The following DOCK3 variants were observed in gnomAD, a reference collection of about 807,000 sequenced individuals.
The protein encoded by DOCK3 is dedicator of cytokinesis protein 3.
A neutral mutation model predicts 265.6 loss-of-function variants in DOCK3; 60 were observed. The ratio of observed to expected loss-of-function variants is 0.23; its 90% CI spans 0.18 to 0.28. The LOEUF (loss-of-function observed/expected upper bound fraction) is 0.28, where lower values mean the gene tolerates loss of function less well. Among genes scored for constraint, DOCK3 ranks in the 10% least tolerant of loss-of-function variants. The pLI is 1.00. For synonymous variants in DOCK3, 881 were observed against 938.0 expected, an observed-to-expected ratio of 0.94 and a Z score of 1.11; for missense variants, 1,981 against 2,594.3, an observed-to-expected ratio of 0.76 and a Z score of 5.14.
chr3:50,841,506 T>A (rs2045824666), intron 2 of DOCK3, among the ~76,000 whole-genome samples, 169 bp from the exon 3 acceptor site: 2 of 152,020 alleles, frequency 1.3e-5, no homozygotes, highest in Non-Finnish European at 2.9e-5. Context: ...ATTCACCATA[T>A]GACTGTTCCT....
intron 2 of DOCK3, among the ~76,000 whole-genome samples, chr3:50,801,382 GTAATTGGAATGAGTCAGGGTGGAGCAGA>G (rs2043058689): frequency 6.6e-6 from 1 of 152,158 alleles, no homozygotes; most frequent in African/African-American, 2.4e-5. Flanking sequence ...GGTGCAGCAG[GTAATTGGAATGAGTCAGGGTGGAGCAGA>G]TAATTGGAAT....
intron 9 of DOCK3, among the ~76,000 whole-genome samples, chr3:51,139,922 A>AGT (rs1480798170): frequency 3.3e-5 from 5 of 152,248 alleles, no homozygotes; most frequent in East Asian, 1.9e-4. Flanking sequence ...CTAGGACACC[A>AGT]GTGTGTGTGT....
chr3:50,769,653 A>C (rs2041149544), intron 1 of DOCK3, among the ~76,000 whole-genome samples: 2 of 151,946 alleles, frequency 1.3e-5, no homozygotes, highest in Admixed American at 6.6e-5. Context: ...TCTACTAAAA[A>C]TACAAAAATT....
intron 6 of DOCK3, among the ~76,000 whole-genome samples, chr3:51,068,877 C>T (rs1365990224): frequency 6.6e-6 from 1 of 152,138 alleles, no homozygotes; most frequent in Non-Finnish European, 1.5e-5. Flanking sequence ...TCAGTTAGAA[C>T]TTCCAAGGAT....
At chr3:51,183,492 C>T (rs1396771418) in intron 12 of DOCK3, among the ~76,000 whole-genome samples, 1 of 152,122 alleles carries the variant, frequency 6.6e-6, no homozygotes, top group African/African-American at 2.4e-5. Context: ...GGAGCTGAGA[C>T]TCAGATCCCT....
At chr3:51,337,658 G>A (rs2084960487) in intron 35 of DOCK3, among the ~76,000 whole-genome samples, 1 of 152,178 alleles carries the variant, frequency 6.6e-6, no homozygotes, top group African/African-American at 2.4e-5. Flanking sequence ...CCAGGCTTCT[G>A]CTCCTTTCCA....
intron 5 of DOCK3, among the ~76,000 whole-genome samples, chr3:50,935,805 A>T (rs1314049252): frequency 6.6e-6 from 1 of 152,226 alleles, no homozygotes; most frequent in African/African-American, 2.4e-5. Context: ...TTGATGTTCA[A>T]CCACAGCCCA....
intron 27 of DOCK3, among the ~76,000 whole-genome samples, chr3:51,305,121 A>T (rs1401369455): frequency 1.3e-5 from 2 of 152,122 alleles, no homozygotes; most frequent in African/African-American, 2.4e-5. Context: ...TTCTTTGCTG[A>T]TCTTCTGTCT....
chr3:51,302,628 C>A (rs1203427778), intron 27 of DOCK3, among the ~76,000 whole-genome samples: 1 of 152,026 alleles, frequency 6.6e-6, no homozygotes, highest in African/African-American at 2.4e-5. Flanking sequence ...TGACAAATTC[C>A]CTCCTCATTT....
rs1266264246 is a variant in DOCK3, at chr3:51,383,071, C to G, written c.*1512C>G. 1 of 152,168 alleles carries G rather than the reference C, an allele frequency of 6.6e-6. No homozygotes were observed. The highest frequency in any genetic ancestry group is 6.5e-5 in the Admixed American group (1 of 15,284). 9.4% of individuals were successfully genotyped at this position (152,168 alleles called of 1,614,324 possible). ...GTTCCTCTTCTGCTGGCCTGTATGACCTCCACAGCCAGGCCCTGGGCCCAA... is the reference window on the plus strand; with the variant it reads ...GTTCCTCTTCTGCTGGCCTGTATGAGCTCCACAGCCAGGCCCTGGGCCCAA... On this transcript the variant is annotated 3_prime_UTR_variant, in exon 53 of 53. Coordinates refer to ENST00000266037, the MANE Select transcript of DOCK3 (RefSeq NM_004947.5).
At chr3:51,269,094 ACTCTCTCT>A (rs113113347) in intron 23 of DOCK3, among the ~76,000 whole-genome samples, 55 of 141,206 alleles carry the variant, frequency 3.9e-4, no homozygotes, top group African/African-American at 1.2e-3. Context: ...GAGTTTCACA[ACTCTCTCT>A]CTCTCTCTCT....
intron 12 of DOCK3, among the ~76,000 whole-genome samples, chr3:51,199,482 G>T (rs1043534318): frequency 8.5e-5 from 13 of 152,252 alleles, no homozygotes; most frequent in Admixed American, 4.6e-4. Flanking sequence ...AGCGAGGCTG[G>T]GGGAGGGGCG....
chr3:50,734,779 A>G (rs2038472869), intron 1 of DOCK3, among the ~76,000 whole-genome samples: 1 of 151,450 alleles, frequency 6.6e-6, no homozygotes, highest in African/African-American at 2.4e-5. Context: ...ATTTTTTTGT[A>G]TTTTTAGTAG....
chr3:50,827,592 T>C (rs2044842606), intron 2 of DOCK3, among the ~76,000 whole-genome samples: 1 of 152,160 alleles, frequency 6.6e-6, no homozygotes, highest in Non-Finnish European at 1.5e-5. Context: ...ATTCTGTCTG[T>C]AGCATATATA....
At chr3:51,192,375 A>G (rs966152398) in intron 12 of DOCK3, among the ~76,000 whole-genome samples, 1 of 151,776 alleles carries the variant, frequency 6.6e-6, no homozygotes, top group African/African-American at 2.4e-5. Flanking sequence ...TGATAGCAAT[A>G]CCAGGCAATA....
chr3:50,755,761 A>G (rs1466645513), intron 1 of DOCK3, among the ~76,000 whole-genome samples: 1 of 152,158 alleles, frequency 6.6e-6, no homozygotes, highest in Non-Finnish European at 1.5e-5. Context: ...GAATCATATA[A>G]TATATACTCT....
At chr3:50,751,682 A>G (rs909430653) in intron 1 of DOCK3, among the ~76,000 whole-genome samples, 3 of 152,166 alleles carry the variant, frequency 2.0e-5, no homozygotes, top group Non-Finnish European at 2.9e-5. Context: ...AACCCCATAT[A>G]TATTAGTCCA....
chr3:50,964,608 G>T (rs1467935997), intron 5 of DOCK3, among the ~76,000 whole-genome samples: 2 of 152,104 alleles, frequency 1.3e-5, no homozygotes, highest in African/African-American at 4.8e-5. Context: ...CCAAAATAAT[G>T]AAAAGAGCAT....
intron 5 of DOCK3, among the ~76,000 whole-genome samples, chr3:50,965,432 C>T (rs903516444): frequency 1.3e-5 from 2 of 151,872 alleles, no homozygotes; most frequent in African/African-American, 4.8e-5. Flanking sequence ...TAATAAAGAT[C>T]TGAGCAGAAA....
Sources: gnomAD v4.1 joint callset for allele counts (sites outside exome capture counted in the v4.1 genomes callset) on GRCh38, gnomAD v4.1.1 for gene constraint, MANE v1.5 for transcripts, NCBI Gene and HGNC (gene_info 2026-07-23, HGNC 2026-07-21) for gene names.